Variants in PRDM15 observed in about 807,000 individuals in gnomAD.
PRDM15 encodes the protein PR/SET domain 15, also known as PR domain zinc finger protein 15.
Under a neutral mutation model 128.6 loss-of-function variants are expected in PRDM15, and 64 were observed. That is an observed-to-expected ratio of 0.50 (90% CI 0.41 to 0.61). The LOEUF (loss-of-function observed/expected upper bound fraction) is 0.61, where lower values mean the gene tolerates loss of function less well. Ranked by LOEUF, PRDM15 falls within the 20% of genes least tolerant of loss-of-function variation. PRDM15 has a pLI of 0.00. For synonymous variants in PRDM15, 615 were observed against 621.8 expected, an observed-to-expected ratio of 0.99 and a Z score of 0.16; for missense variants, 1,242 against 1,569.1, an observed-to-expected ratio of 0.79 and a Z score of 3.52.
chr21:41,839,774 C>T lies in PRDM15; in HGVS notation c.720G>A (p.Glu240=). The T allele has an allele frequency of 1.2e-6, 2 of 1,614,286 alleles. No homozygotes were observed. Among genetic ancestry groups the T allele is most frequent in the South Asian group, 1.1e-5 (1 of 91,092 alleles). ...SQSEAAAPEK[E]QDTPRGEPPA... Reference sequence around the variant, plus strand: ...GGGGTTCCCCCCGGGGTGTGTCCTGCTCCTTCTCGGGAGCTGCTGCCTCGC... The same window carrying T: ...GGGGTTCCCCCCGGGGTGTGTCCTGTTCCTTCTCGGGAGCTGCTGCCTCGC... The change falls in exon 7 of 24, where the codon GAG becomes GAA. Residue 240 remains glutamate (E), a synonymous_variant. Transcript: ENST00000398548.
intron 6 of PRDM15, among the ~76,000 whole-genome samples, chr21:41,842,363 G>T (rs1366661521): frequency 1.3e-5 from 2 of 152,144 alleles, no homozygotes; most frequent in East Asian, 3.8e-4. Context: ...CCTCCCAAAT[G>T]CTTATCTTCT....
Position 41,802,737 on chromosome 21 carries a change from T to C in PRDM15, c.2918A>G (p.Asn973Ser), listed in dbSNP as rs770115340. ...EFTGSVGDET[N>S]SAVQSIQQVV... is the part of the protein sequence containing the mutation. ...CTGCTGAATGCTCTGTACTGCGGAA[T>C]TGGTCTCGTCGCCTACACTGCCTGT... The change falls in exon 23 of 24, where the codon AAT becomes AGT. Residue 973 changes from asparagine (N) to serine (S), a missense_variant. Coordinates refer to ENST00000398548, the MANE Select transcript of PRDM15 (RefSeq NM_001040424.3). The C allele has an allele frequency of 5.0e-6, 8 of 1,614,180 alleles. No individual in the cohort carries two copies. The highest frequency in any genetic ancestry group is 2.2e-5 in the East Asian group (1 of 44,884).
intron 1 of PRDM15, chr21:41,861,676 T>C (rs2063817612): frequency 1.9e-6 from 3 of 1,614,102 alleles, no homozygotes; most frequent in Non-Finnish European, 2.5e-6. Context: ...ACCCCGCTCA[T>C]CCCCAGCAGC....
rs1568956918 is a variant in PRDM15 at position 41,836,619 on chromosome 21, C to T, written c.1032G>A (p.Thr344=). ...TTGAGAGAATTAAGCTCCTCTTGAG[C>T]GTGATGGTGTTATTCTGATGATGGG... is the stretch of plus-strand genomic sequence containing the variant. The part of the protein sequence containing the change: ...KFTHHQNNTI[T]LKRSLILSSR... The change falls in exon 9 of 24, where the codon ACG becomes ACA. Residue 344 remains threonine (T), a synonymous_variant. Coordinates refer to ENST00000398548, the MANE Select transcript of PRDM15 (RefSeq NM_001040424.3). 7 of 1,612,052 alleles carry T rather than the reference C, an allele frequency of 4.3e-6. No homozygotes were observed. The highest frequency in any genetic ancestry group is 2.2e-5 in the South Asian group (2 of 91,012).
intron 19 of PRDM15, chr21:41,813,700 G>A (rs1476628831): frequency 6.6e-6 from 1 of 152,470 alleles, no homozygotes; most frequent in Non-Finnish European, 1.5e-5. Flanking sequence ...GAATGGCCTT[G>A]TATTGGCATT....
In PRDM15 at chr21:41,800,504, TA is replaced by T. The variant is rs879070138; in HGVS notation, c.*735del. The T allele has an allele frequency of 3.1e-3, 437 of 142,870 alleles. No homozygotes were observed. The highest frequency in any genetic ancestry group is 5.0e-3 in the Admixed American group (71 of 14,294). 8.9% of individuals were successfully genotyped at this position (142,870 alleles called of 1,614,324 possible). A position where few individuals can be genotyped will look rare whatever the true frequency, so the allele number is the denominator to read the frequency against. On this transcript the variant is annotated 3_prime_UTR_variant, in exon 24 of 24. Transcript: ENST00000398548. ...ACATAATGTATGTTTGAAATAAAGT[TA>T]AAAAAAAAAAAGGAAAAAAACTCTA...
intron 13 of PRDM15, 110 bp from the exon 14 acceptor site, chr21:41,823,559 T>G (rs1601221405): frequency 1.7e-6 from 2 of 1,178,194 alleles, no homozygotes; most frequent in African/African-American, 3.1e-5. Context: ...AACACAGCAC[T>G]GTGCTCCAGG....
chr21:41,825,743 T>C (rs2062446707), intron 13 of PRDM15, among the ~76,000 whole-genome samples: 1 of 152,200 alleles, frequency 6.6e-6, no homozygotes, highest in South Asian at 2.1e-4. Context: ...AGAATCCTTC[T>C]TTCTCAGCCC....
In PRDM15 at chr21:41,808,531, T is replaced by C. The variant is rs1210544595; in HGVS notation, c.2652+1623A>G. ...CTGAGGCAGACGGTGCTTTCCCAATTCCAAAAGGAAGTCACTTTCATTACA... is the reference window on the plus strand; with the variant it reads ...CTGAGGCAGACGGTGCTTTCCCAATCCCAAAAGGAAGTCACTTTCATTACA... On this transcript the variant is annotated intron_variant, in intron 21 of 23. Transcript: ENST00000398548. Among the ~76,000 whole-genome samples the C allele has an allele frequency of 2.0e-5, 3 of 152,272 alleles. No individual in the cohort carries two copies. In the East Asian group the frequency reaches 5.8e-4, roughly 29 times the overall value.
At chr21:41,829,110 C>T (rs1307120788) in intron 11 of PRDM15, among the ~76,000 whole-genome samples, 3 of 122,488 alleles carry the variant, frequency 2.4e-5, no homozygotes, top group Admixed American at 2.3e-4. Context: ...CACAATCACA[C>T]ACACCACACT....
Position 41,800,071 on chromosome 21 carries a change from C to A in PRDM15, c.*1169G>T, listed in dbSNP as rs1291553528. The A allele has an allele frequency of 6.6e-6, 1 of 152,226 alleles. No homozygotes were observed. The highest frequency in any genetic ancestry group is 1.5e-5 in the Non-Finnish European group (1 of 68,040). 9.4% of individuals were successfully genotyped at this position (152,226 alleles called of 1,614,324 possible). On this transcript the variant is annotated 3_prime_UTR_variant, in exon 24 of 24. Coordinates refer to ENST00000398548, the MANE Select transcript of PRDM15 (RefSeq NM_001040424.3). The stretch of plus-strand genomic sequence containing the variant: ...ACTAACCTCTCTGCTTTCATTACCA[C>A]CTGGCAGGAAATAGCATTTTCTCTG...
intron 7 of PRDM15, 111 bp downstream of exon 7, chr21:41,839,512 T>C: frequency 2.4e-6 from 2 of 847,752 alleles, no homozygotes; most frequent in Non-Finnish European, 3.9e-6. Context: ...CCACGAGGCC[T>C]TTCTACACTG....
chr21:41,844,571 CAGCCCCTCCCCCCTCACAGGG>C (rs1280767646), intron 6 of PRDM15, among the ~76,000 whole-genome samples: 8 of 73,926 alleles, frequency 1.1e-4, no homozygotes, highest in East Asian at 4.6e-4. Flanking sequence ...CACACACACA[CAGCCCCTCCCCCCTCACAGGG>C]ACACATACAG....
chr21:41,816,032 C>A (rs1476493376), intron 18 of PRDM15, among the ~76,000 whole-genome samples, 196 bp from the exon 19 acceptor site: 3 of 152,256 alleles, frequency 2.0e-5, no homozygotes, highest in Admixed American at 1.3e-4. Context: ...CCGGGAGGGA[C>A]TGACTGCAAC....
In PRDM15 at chr21:41,810,052, G is replaced by A. The variant is rs980146307; in HGVS notation, c.2652+102C>T. On this transcript the variant is annotated intron_variant, in intron 21 of 23. Coordinates refer to ENST00000398548, the MANE Select transcript of PRDM15 (RefSeq NM_001040424.3). The surrounding 1 kb of genome is among the most constrained non-coding windows in gnomAD (Gnocchi z 6.4). ...ACCTAAGACTCAGGGCCTGCCTCCA[G>A]TACTGGGGGTCTGCAGAGGGAGGTG... is the stretch of plus-strand genomic sequence containing the variant. The A allele has an allele frequency of 1.7e-6, 2 of 1,204,220 alleles. No homozygotes were observed. Among genetic ancestry groups the A allele is most frequent in the African/African-American group, 3.0e-5 (2 of 67,456 alleles). 74.6% of individuals were successfully genotyped at this position (1,204,220 alleles called of 1,614,324 possible). A position where few individuals can be genotyped will look rare whatever the true frequency, so the allele number is the denominator to read the frequency against.
intron 14 of PRDM15, chr21:41,823,048 A>T: frequency 2.6e-6 from 1 of 378,432 alleles, no homozygotes; most frequent in East Asian, 5.4e-5. Flanking sequence ...AAAAAAAAAA[A>T]GAATGGGATT....
At chr21:41,820,060 G>A (rs755552490) in intron 17 of PRDM15, 35 bp downstream of exon 17, 27 of 1,588,380 alleles carry the variant, frequency 1.7e-5, no homozygotes, top group Admixed American at 3.3e-5. Flanking sequence ...CCCCTCCAGC[G>A]AGGGCCGGGA....
chr21:41,806,093 T>TCACCAC (rs1568880492), intron 21 of PRDM15, among the ~76,000 whole-genome samples: 2 of 2,300 alleles, frequency 8.7e-4, no homozygotes, highest in Non-Finnish European at 1.5e-3. Context: ...ACCACCACCA[T>TCACCAC]CACCACCACC....
At chr21:41,850,445 A>G (rs2063394699) in intron 5 of PRDM15, among the ~76,000 whole-genome samples, 1 of 152,258 alleles carries the variant, frequency 6.6e-6, no homozygotes, top group East Asian at 1.9e-4. Context: ...GCTCAAGAAC[A>G]AGTTAAGGCC....
Sources: allele counts gnomAD v4.1 joint callset (sites outside exome capture counted in the v4.1 genomes callset), GRCh38; gene constraint gnomAD v4.1.1; non-coding constraint Gnocchi (gnomAD v3.1); transcripts MANE v1.5; gene names NCBI Gene and HGNC (gene_info 2026-07-23, HGNC 2026-07-21).